MAN2A1: variants seen among roughly 807,000 people sequenced by gnomAD.
MAN2A1 encodes mannosidase alpha class 2A member 1.
In MAN2A1, 76 loss-of-function variants were observed where a neutral mutation model predicts 142.6. The ratio of observed to expected loss-of-function variants is 0.53; its 90% CI spans 0.44 to 0.65. The LOEUF (loss-of-function observed/expected upper bound fraction) is 0.65. Among genes scored for constraint, MAN2A1 ranks in the 30% least tolerant of loss-of-function variants. MAN2A1 has a pLI of 0.00. For missense variants in MAN2A1, 1,311 were observed against 1,365.1 expected (o/e 0.96, Z 0.62); for synonymous variants, 559 against 473.2 (o/e 1.18, Z -2.35).
At chr5:109,834,995 C>G (rs993053931) in intron 16 of MAN2A1, among the ~76,000 whole-genome samples, 2 of 151,484 alleles carry the variant, frequency 1.3e-5, no homozygotes, top group Non-Finnish European at 2.9e-5. Context: ...AATATGGTCA[C>G]GATAATATTT....
chr5:109,697,710 C>A (rs1012380739), intron 1 of MAN2A1, among the ~76,000 whole-genome samples: 1 of 152,130 alleles, frequency 6.6e-6, no homozygotes, highest in African/African-American at 2.4e-5. Context: ...TACTCTCTGG[C>A]CCTTTTCAGA....
chr5:109,834,019 T>A (rs558912356), intron 16 of MAN2A1, among the ~76,000 whole-genome samples: 1 of 152,136 alleles, frequency 6.6e-6, no homozygotes, highest in African/African-American at 2.4e-5. Flanking sequence ...GCTTGTTTTA[T>A]TTTTTTTATA....
In MAN2A1 at chr5:109,800,669, T is replaced by A. The variant is rs1202904099; in HGVS notation, c.1943+11142T>A. Reference sequence around the variant, plus strand: ...CCTAAATTAGCATTTCTTTTTGTAATAGAGAACATAGGGCTGGTAAATTCT... The same window carrying A: ...CCTAAATTAGCATTTCTTTTTGTAAAAGAGAACATAGGGCTGGTAAATTCT... On this transcript the variant is annotated intron_variant, in intron 12 of 21. Coordinates refer to ENST00000261483, the MANE Select transcript of MAN2A1 (RefSeq NM_002372.4). 2.6e-5 allele frequency among the ~76,000 whole-genome samples: 4 copies of A among 152,246 alleles called. No individual in the cohort carries two copies. In the South Asian group the frequency reaches 8.3e-4, roughly 31 times the overall value.
At chr5:109,779,972 G>T (rs971020066) in intron 8 of MAN2A1, among the ~76,000 whole-genome samples, 7 of 152,008 alleles carry the variant, frequency 4.6e-5, no homozygotes, top group Non-Finnish European at 1.0e-4. Context: ...TATCATTGTT[G>T]TAAATGTTCC....
intron 5 of MAN2A1, among the ~76,000 whole-genome samples, chr5:109,756,933 A>G (rs181749578): frequency 1.4e-4 from 22 of 152,272 alleles, no homozygotes; most frequent in African/African-American, 5.1e-4. Context: ...AGCCCCCAAC[A>G]TTGGACACTG....
At chr5:109,716,731 A>G (rs775624633) in intron 3 of MAN2A1, among the ~76,000 whole-genome samples, 1 of 152,220 alleles carries the variant, frequency 6.6e-6, no homozygotes, top group Non-Finnish European at 1.5e-5. Flanking sequence ...TGTGAGTCTC[A>G]GCTCTCTGTA....
At position 109,867,335 on chromosome 5, in the gene MAN2A1, G is replaced by A. The variant is rs953635726; in HGVS notation, c.*337G>A. 3.6e-5 allele frequency: 6 copies of A among 167,500 alleles called. No homozygotes were observed. The highest frequency in any genetic ancestry group is 1.2e-4 in the African/African-American group (5 of 42,152). 10.4% of individuals were successfully genotyped at this position (167,500 alleles called of 1,614,324 possible). A position where few individuals can be genotyped will look rare whatever the true frequency, so the allele number is the denominator to read the frequency against. On this transcript the variant is annotated 3_prime_UTR_variant, in exon 22 of 22. Coordinates refer to ENST00000261483, the MANE Select transcript of MAN2A1 (RefSeq NM_002372.4). Reference sequence around the variant, plus strand: ...GCTAACTAATTATGTCTGTGTTGGGGGTTGCGAAGAGATTCTTAAAAGTAT... The same window carrying A: ...GCTAACTAATTATGTCTGTGTTGGGAGTTGCGAAGAGATTCTTAAAAGTAT...
At chr5:109,744,761 A>C (rs922546346) in intron 4 of MAN2A1, among the ~76,000 whole-genome samples, 1 of 152,160 alleles carries the variant, frequency 6.6e-6, no homozygotes, top group African/African-American at 2.4e-5. Context: ...CACTCCTAGC[A>C]ATTTACCCAA....
At chr5:109,706,906 T>G (rs992075202) in intron 1 of MAN2A1, among the ~76,000 whole-genome samples, 6 of 152,204 alleles carry the variant, frequency 3.9e-5, no homozygotes, top group African/African-American at 1.4e-4. Flanking sequence ...GAAACTTGAT[T>G]TGGTTGAGTG....
intron 18 of MAN2A1, among the ~76,000 whole-genome samples, chr5:109,846,946 C>T (rs759060298): frequency 6.6e-6 from 1 of 152,208 alleles, no homozygotes; most frequent in Admixed American, 6.5e-5. Flanking sequence ...AGCATGTTCC[C>T]GATGTGCAGT....
chr5:109,848,699 C>T (rs142309830), intron 19 of MAN2A1, among the ~76,000 whole-genome samples: 1 of 152,184 alleles, frequency 6.6e-6, no homozygotes, highest in Non-Finnish European at 1.5e-5. Context: ...CTCTCCCTCT[C>T]TCTTTCTCCC....
At chr5:109,802,196 T>C (rs1754050354) in intron 12 of MAN2A1, among the ~76,000 whole-genome samples, 1 of 152,150 alleles carries the variant, frequency 6.6e-6, no homozygotes, top group Admixed American at 6.6e-5. Context: ...CTGTGTAGAC[T>C]GCCCATAAGA....
At chr5:109,833,118 C>G (rs917858205) in intron 16 of MAN2A1, among the ~76,000 whole-genome samples, 7 of 149,130 alleles carry the variant, frequency 4.7e-5, no homozygotes, top group Non-Finnish European at 1.0e-4. Flanking sequence ...GATGGGTGGC[C>G]GGGCAGAGAC....
chr5:109,862,568 A>C (rs568805199), intron 20 of MAN2A1: 48 of 152,324 alleles, frequency 3.2e-4, no homozygotes, highest in East Asian at 1.2e-3. Flanking sequence ...TAATGCATTA[A>C]TGAATGTAAA....
chr5:109,710,652 A>G (rs1373349707), intron 1 of MAN2A1, among the ~76,000 whole-genome samples: 1 of 151,884 alleles, frequency 6.6e-6, no homozygotes, highest in Admixed American at 6.6e-5. Flanking sequence ...CTACAGGTGC[A>G]TGCCACCACA....
chr5:109,786,835 G>C (rs982178980), intron 10 of MAN2A1, among the ~76,000 whole-genome samples: 59 of 152,106 alleles, frequency 3.9e-4, no homozygotes, highest in African/African-American at 1.3e-3. Flanking sequence ...ATAGCAACCA[G>C]AAACAGAATA....
At chr5:109,743,005 G>A (rs369770410) in intron 4 of MAN2A1, among the ~76,000 whole-genome samples, 2 of 152,120 alleles carry the variant, frequency 1.3e-5, no homozygotes, top group Non-Finnish European at 2.9e-5. Context: ...GACTTCTCAG[G>A]TGCTCTGCCC....
At chr5:109,760,861 T>A (rs1282553356) in intron 5 of MAN2A1, among the ~76,000 whole-genome samples, 1 of 152,042 alleles carries the variant, frequency 6.6e-6, no homozygotes, top group African/African-American at 2.4e-5. Flanking sequence ...TTGATTCTTT[T>A]CTCTTTTATT....
intron 3 of MAN2A1, among the ~76,000 whole-genome samples, chr5:109,723,279 A>G (rs1178974662): frequency 6.6e-6 from 1 of 152,212 alleles, no homozygotes; most frequent in Non-Finnish European, 1.5e-5. Context: ...TTAGAAAACT[A>G]TTAAATGACA....
Sources: gnomAD v4.1 joint callset for allele counts (sites outside exome capture counted in the v4.1 genomes callset) on GRCh38, gnomAD v4.1.1 for gene constraint, MANE v1.5 for transcripts, NCBI Gene and HGNC (gene_info 2026-07-23, HGNC 2026-07-21) for gene names.